ANKS1B: variants seen among roughly 807,000 people sequenced by gnomAD.
The protein encoded by ANKS1B is ankyrin repeat and sterile alpha motif domain containing 1B.
In ANKS1B, 36 loss-of-function variants were observed where a neutral mutation model predicts 148.3. The ratio of observed to expected loss-of-function variants is 0.24; its 90% confidence interval spans 0.19 to 0.32. The LOEUF (loss-of-function observed/expected upper bound fraction) is 0.32, where lower values mean the gene tolerates loss of function less well. Among genes scored for constraint, ANKS1B ranks in the 10% least tolerant of loss-of-function variants. ANKS1B has a pLI of 1.00. For missense variants in ANKS1B, 1,157 were observed against 1,542.6 expected, an observed-to-expected ratio of 0.75 and a Z score of 4.19; for synonymous variants, 542 against 560.8, an observed-to-expected ratio of 0.97 and a Z score of 0.47.
intron 22 of ANKS1B, among the ~76,000 whole-genome samples, chr12:98,784,996 A>T (rs1405427007): frequency 6.6e-6 from 1 of 152,126 alleles, no homozygotes. Flanking sequence ...CCAGCCAGAG[A>T]GTTCAAAGGG....
intron 4 of ANKS1B, among the ~76,000 whole-genome samples, chr12:99,791,278 CAA>C (rs2065621666): frequency 6.6e-6 from 1 of 151,762 alleles, no homozygotes; most frequent in Non-Finnish European, 1.5e-5. Flanking sequence ...ATATATAAAG[CAA>C]ATATTATTAG....
At chr12:99,356,538 T>C (rs964173442) in intron 12 of ANKS1B, among the ~76,000 whole-genome samples, 7 of 152,140 alleles carry the variant, frequency 4.6e-5, no homozygotes, top group Admixed American at 4.6e-4. Context: ...TTGTACACGC[T>C]GGCAAAGGAA....
At chr12:99,291,860 T>G (rs2080047268) in intron 12 of ANKS1B, among the ~76,000 whole-genome samples, 1 of 152,186 alleles carries the variant, frequency 6.6e-6, no homozygotes, top group South Asian at 2.1e-4. Context: ...ACCACACATC[T>G]ACAGCCATCT....
At chr12:99,176,448 G>A (rs1057385549) in intron 14 of ANKS1B, among the ~76,000 whole-genome samples, 4 of 152,092 alleles carry the variant, frequency 2.6e-5, no homozygotes, top group Middle Eastern at 3.4e-3. Context: ...TCATTACTAC[G>A]ATCATGATCA....
chr12:98,863,675 T>C (rs1368166018), intron 17 of ANKS1B, among the ~76,000 whole-genome samples: 1 of 152,156 alleles, frequency 6.6e-6, no homozygotes, highest in Non-Finnish European at 1.5e-5. Context: ...ATTAAACAAA[T>C]CATGTTGTTT....
At chr12:98,823,459 T>C (rs371306548) in intron 19 of ANKS1B, among the ~76,000 whole-genome samples, 1 of 152,156 alleles carries the variant, frequency 6.6e-6, no homozygotes, top group African/African-American at 2.4e-5. Context: ...TGTGACACAG[T>C]AATAGGAAAA....
At chr12:99,930,899 T>C (rs1178235811) in intron 1 of ANKS1B, among the ~76,000 whole-genome samples, 1 of 152,172 alleles carries the variant, frequency 6.6e-6, no homozygotes, top group Non-Finnish European at 1.5e-5. Flanking sequence ...CGAAGGTATG[T>C]TTATAGCGGC....
At chr12:99,371,256 T>C (rs1235522085) in intron 12 of ANKS1B, among the ~76,000 whole-genome samples, 2 of 152,108 alleles carry the variant, frequency 1.3e-5, no homozygotes. Flanking sequence ...CTAGGTAGCA[T>C]GTGTACCAGG....
chr12:98,735,306 T>TGTAA (rs2097768020), exon 10 of ANKS1B: 3 of 403,522 alleles, frequency 7.4e-6, no homozygotes, highest in African/African-American at 6.2e-5. Context: ...TATATGTCTC[T>TGTAA]TGTATGTTTT....
chr12:98,872,777 C>A (rs2099675052), intron 17 of ANKS1B, among the ~76,000 whole-genome samples: 1 of 152,104 alleles, frequency 6.6e-6, no homozygotes, highest in Non-Finnish European at 1.5e-5. Flanking sequence ...GTTCTGGAGG[C>A]AGGACTTCCA....
At chr12:99,755,230 A>G (rs979282616) in intron 8 of ANKS1B, among the ~76,000 whole-genome samples, 1 of 152,130 alleles carries the variant, frequency 6.6e-6, no homozygotes, top group East Asian at 1.9e-4. Context: ...ACCTCTATGC[A>G]CATAAACTAG....
intron 9 of ANKS1B, among the ~76,000 whole-genome samples, chr12:99,506,598 A>G (rs1682733521): frequency 6.6e-6 from 1 of 151,968 alleles, no homozygotes; most frequent in African/African-American, 2.4e-5. Flanking sequence ...TAGTTTTCTC[A>G]ATGATTTGAA....
At position 98,850,050 on chromosome 12, in the gene ANKS1B, T is replaced by C. The variant is rs139850689; in HGVS notation, c.2779-17914A>G. On this transcript the variant is annotated intron_variant, in intron 17 of 26. Transcript: ENST00000683438. ...TGTCTGATTACTTCCGTTTACCTGA[T>C]GATTAAATCCTGCCTGCAGAAAATT... is the stretch of plus-strand genomic sequence containing the variant. 1.9e-3 allele frequency among the ~76,000 whole-genome samples: 292 copies of C among 152,324 alleles called. 1 individual carries two copies. The highest frequency in any genetic ancestry group is 6.5e-3 in the African/African-American group (272 of 41,562).
chr12:99,196,354 T>C (rs996104292), intron 14 of ANKS1B, among the ~76,000 whole-genome samples: 1 of 152,168 alleles, frequency 6.6e-6, no homozygotes, highest in African/African-American at 2.4e-5. Context: ...CTGTGAAGCA[T>C]CTGACTTTTT....
At chr12:98,880,985 C>T (rs920137210) in intron 17 of ANKS1B, among the ~76,000 whole-genome samples, 5 of 151,112 alleles carry the variant, frequency 3.3e-5, no homozygotes, top group African/African-American at 1.2e-4. Context: ...GCTTTAATTC[C>T]CTGCTTGGAA....
intron 8 of ANKS1B, among the ~76,000 whole-genome samples, chr12:99,723,272 G>A (rs1440624705): frequency 6.6e-6 from 1 of 152,218 alleles, no homozygotes; most frequent in African/African-American, 2.4e-5. Flanking sequence ...CAGGGGAAGG[G>A]TGGCAGCCAT....
chr12:99,201,808 A>G (rs2082102758), intron 14 of ANKS1B, among the ~76,000 whole-genome samples: 1 of 152,208 alleles, frequency 6.6e-6, no homozygotes, highest in East Asian at 1.9e-4. Context: ...TTTATGCTGA[A>G]AATTTTACTG....
chr12:99,738,688 A>G (rs1170133774), intron 8 of ANKS1B, among the ~76,000 whole-genome samples: 1 of 152,196 alleles, frequency 6.6e-6, no homozygotes, highest in East Asian at 1.9e-4. Context: ...CTCACATCAC[A>G]GAATTGAAGA....
chr12:99,587,027 G>T (rs1310479602), intron 9 of ANKS1B, among the ~76,000 whole-genome samples: 2 of 152,098 alleles, frequency 1.3e-5, no homozygotes, highest in Admixed American at 1.3e-4. Context: ...AGAGGATTTT[G>T]ATTGATTGTA....
Sources: allele counts gnomAD v4.1 joint callset (sites outside exome capture counted in the v4.1 genomes callset), GRCh38; gene constraint gnomAD v4.1.1; transcripts MANE v1.5; gene names NCBI Gene and HGNC (gene_info 2026-07-23, HGNC 2026-07-21).